The following NRXN3 variants were observed in gnomAD, a reference collection of about 807,000 sequenced individuals.
NRXN3 encodes the protein neurexin 3, also known as neurexin III.
A neutral mutation model predicts 137.6 loss-of-function variants in NRXN3; 32 were observed. That is an observed-to-expected ratio of 0.23 (90% CI 0.18 to 0.31). The LOEUF (loss-of-function observed/expected upper bound fraction) is 0.31. Among genes scored for constraint, NRXN3 ranks in the 10% least tolerant of loss-of-function variants. The pLI is 1.00. For missense variants in NRXN3, 1,574 were observed against 2,062.5 expected (o/e 0.76, Z 4.59); for synonymous variants, 798 against 784.5 (o/e 1.02, Z -0.29).
At chr14:79,824,733 T>A (rs912319907) in intron 20 of NRXN3, among the ~76,000 whole-genome samples, 1 of 152,242 alleles carries the variant, frequency 6.6e-6, no homozygotes, top group Non-Finnish European at 1.5e-5. Context: ...GAAGACTTTT[T>A]GATTTCTATT....
At chr14:79,388,236 C>T (rs946270619) in intron 15 of NRXN3, among the ~76,000 whole-genome samples, 40 of 152,082 alleles carry the variant, frequency 2.6e-4, no homozygotes, top group African/African-American at 9.2e-4. Flanking sequence ...CCTGAGGCCT[C>T]TCCAAAACCT....
At chr14:79,477,230 G>A (rs1212932408) in intron 16 of NRXN3, among the ~76,000 whole-genome samples, 1 of 151,980 alleles carries the variant, frequency 6.6e-6, no homozygotes, top group Non-Finnish European at 1.5e-5. Flanking sequence ...AGGAAATACA[G>A]GATGTGTTCT....
intron 17 of NRXN3, among the ~76,000 whole-genome samples, chr14:79,687,179 G>A (rs770769296): frequency 5.9e-5 from 9 of 152,138 alleles, no homozygotes; most frequent in African/African-American, 9.7e-5. Flanking sequence ...CTCCTTGGTC[G>A]AAAGGCACTT....
At chr14:79,440,945 A>G (rs2095930537) in intron 15 of NRXN3, among the ~76,000 whole-genome samples, 1 of 152,198 alleles carries the variant, frequency 6.6e-6, no homozygotes, top group Non-Finnish European at 1.5e-5. Context: ...AATTTAGTAT[A>G]CGGTAAGCTT....
At chr14:79,497,961 G>C (rs1182959738) in intron 16 of NRXN3, among the ~76,000 whole-genome samples, 1 of 152,064 alleles carries the variant, frequency 6.6e-6, no homozygotes, top group Non-Finnish European at 1.5e-5. Context: ...TTGAACCCAG[G>C]ATGCAGAGGT....
In NRXN3 at chr14:78,926,908, TAATATA is replaced by T. The variant is rs1400255513; in HGVS notation, c.2276-30333_2276-30328del. Among the ~76,000 whole-genome samples the T allele has an allele frequency of 7.2e-3, 250 of 34,486 alleles. 12 individuals carry two copies. The highest frequency in any genetic ancestry group is 0.018 in the Middle Eastern group (1 of 56). 22.6% of individuals were successfully genotyped at this position (34,486 alleles called of 152,430 possible). A position where few individuals can be genotyped will look rare whatever the true frequency, so the allele number is the denominator to read the frequency against. ...TATTTATATATATATATAATATATA[TAATATA>T]TATATAATATATAATATATTTATAT... On this transcript the variant is annotated intron_variant, in intron 10 of 20. Transcript: ENST00000335750.
intron 20 of NRXN3, among the ~76,000 whole-genome samples, chr14:79,831,327 A>C (rs554739772): frequency 6.6e-6 from 1 of 152,308 alleles, no homozygotes; most frequent in South Asian, 2.1e-4. Context: ...TCACATGAGA[A>C]TTGGTCACGT....
chr14:78,815,913 T>C (rs1386219887), intron 10 of NRXN3, among the ~76,000 whole-genome samples: 2 of 152,156 alleles, frequency 1.3e-5, no homozygotes, highest in African/African-American at 4.8e-5. Flanking sequence ...ATGCCACTTA[T>C]TAGAATCTTA....
intron 8 of NRXN3, among the ~76,000 whole-genome samples, chr14:78,772,556 A>G (rs2153000986): frequency 6.6e-6 from 1 of 152,360 alleles, no homozygotes; most frequent in Non-Finnish European, 1.5e-5. Context: ...AAAAGGAATC[A>G]ATCCAGGTGA....
At chr14:78,734,535 A>G (rs1328397954) in intron 8 of NRXN3, among the ~76,000 whole-genome samples, 1 of 152,220 alleles carries the variant, frequency 6.6e-6, no homozygotes, top group Non-Finnish European at 1.5e-5. Flanking sequence ...CATGGAGTTT[A>G]TAGTCTAGTG....
intron 16 of NRXN3, among the ~76,000 whole-genome samples, chr14:79,506,934 C>A (rs1305664994): frequency 6.6e-6 from 1 of 152,168 alleles, no homozygotes; most frequent in Non-Finnish European, 1.5e-5. Context: ...CCTGCCTAAT[C>A]TGACCTCTTC....
chr14:79,787,188 C>T (rs2140217573), intron 19 of NRXN3, among the ~76,000 whole-genome samples: 1 of 152,214 alleles, frequency 6.6e-6, no homozygotes, highest in East Asian at 1.9e-4. Flanking sequence ...TTTTATGGAC[C>T]ACTGAGGCAT....
intron 15 of NRXN3, among the ~76,000 whole-genome samples, chr14:79,017,455 AT>A: frequency 6.6e-6 from 1 of 151,720 alleles, no homozygotes; most frequent in East Asian, 1.9e-4. Context: ...AACTTTATAC[AT>A]TGGACCCCAT....
At chr14:78,252,273 C>CAT (rs1316265184) in intron 2 of NRXN3, among the ~76,000 whole-genome samples, 9 of 151,736 alleles carry the variant, frequency 5.9e-5, no homozygotes, top group African/African-American at 2.2e-4. Flanking sequence ...TACTTTGCAT[C>CAT]TAGTCCTAGA....
chr14:79,696,770 C>T (rs1179311991), intron 18 of NRXN3, among the ~76,000 whole-genome samples: 1 of 151,912 alleles, frequency 6.6e-6, no homozygotes, highest in Non-Finnish European at 1.5e-5. Flanking sequence ...TATTCTTCAA[C>T]TCATTAACAC....
intron 16 of NRXN3, among the ~76,000 whole-genome samples, chr14:79,579,692 A>AT (rs2097697339): frequency 6.6e-6 from 1 of 152,168 alleles, no homozygotes; most frequent in East Asian, 1.9e-4. Context: ...TATTTTACAT[A>AT]TCAGTGGGGT....
At chr14:78,269,837 G>T (rs1437121621) in intron 2 of NRXN3, among the ~76,000 whole-genome samples, 1 of 152,152 alleles carries the variant, frequency 6.6e-6, no homozygotes, top group Non-Finnish European at 1.5e-5. Flanking sequence ...CATCCTGTTG[G>T]CCTAAACTCT....
In NRXN3 at chr14:78,243,596, C is replaced by G; in HGVS notation, c.503C>G (p.Ala168Gly). ...PSALTLDGVQAMPGFKGLILD... is the reference protein window; with the variant it reads ...PSALTLDGVQGMPGFKGLILD... ...GCCCTGACCCTTGATGGAGTTCAGG[C>G]CATGCCCGGCTTCAAGGGGTTAATT... The change falls in exon 2 of 21, where the codon GCC becomes GGC. Residue 168 changes from alanine to glycine, a missense_variant. Physicochemically the swap from Ala to Gly is moderately conservative, Grantham distance 60. Coordinates refer to ENST00000335750, the MANE Select transcript of NRXN3 (RefSeq NM_001330195.2). The surrounding 1 kb of genome is among the most constrained non-coding windows in gnomAD (Gnocchi z 4.2). 6.3e-7 allele frequency: 1 copy of G among 1,598,450 alleles called. No individual in the cohort carries two copies. The highest frequency in any genetic ancestry group is 8.5e-7 in the Non-Finnish European group (1 of 1,179,812).
chr14:78,233,533 T>A (rs909269713), intron 1 of NRXN3, among the ~76,000 whole-genome samples: 1 of 152,116 alleles, frequency 6.6e-6, no homozygotes, highest in East Asian at 1.9e-4. Context: ...TTCTGGGTCA[T>A]CCCCAGTAAC....
Sources: allele counts gnomAD v4.1 joint callset (sites outside exome capture counted in the v4.1 genomes callset), GRCh38; gene constraint gnomAD v4.1.1; non-coding constraint Gnocchi (gnomAD v3.1); transcripts MANE v1.5; gene names NCBI Gene and HGNC (gene_info 2026-07-23, HGNC 2026-07-21).